The following SOX5 variants were observed in gnomAD, a reference collection of about 807,000 sequenced individuals.
The protein encoded by SOX5 is transcription factor SOX-5.
Under a neutral mutation model 92.0 loss-of-function variants are expected in SOX5, and 9 were observed. That is an observed-to-expected ratio of 0.10 (90% CI 0.06 to 0.17). The LOEUF (loss-of-function observed/expected upper bound fraction) is 0.17, where lower values mean the gene tolerates loss of function less well. Ranked by LOEUF, SOX5 falls within the 10% of genes least tolerant of loss-of-function variation. SOX5 has a pLI of 1.00. For synonymous variants in SOX5, 344 were observed against 336.3 expected (o/e 1.02, Z -0.25); for missense variants, 642 against 944.5 (o/e 0.68, Z 4.20).
At chr12:23,950,874 C>T (rs1460939713), upstream of SOX5, 2 of 1,535,178 alleles carry the variant, frequency 1.3e-6, no homozygotes, top group African/African-American at 1.4e-5. Context: ...CTTACACAGA[C>T]ATGCATGCAG....
At chr12:23,821,186 A>G (rs2096107516) in intron 3 of SOX5, among the ~76,000 whole-genome samples, 1 of 152,080 alleles carries the variant, frequency 6.6e-6, no homozygotes, top group African/African-American at 2.4e-5. Flanking sequence ...CTTTGTAGCA[A>G]TTGTGAATGG....
rs564868054 is a variant in SOX5 at position 23,665,611 on chromosome 12, C to T, written c.811-47G>A. ...ATCAAAGAGAAGAAGTTTCGATGCTCCATGCTTCTTCCCACCCTCCTTATT... is the reference window on the plus strand; with the variant it reads ...ATCAAAGAGAAGAAGTTTCGATGCTTCATGCTTCTTCCCACCCTCCTTATT... On this transcript the variant is annotated intron_variant, in intron 6 of 14. Coordinates refer to ENST00000451604, the MANE Select transcript of SOX5 (RefSeq NM_006940.6). 192 of 1,557,250 alleles carry T rather than the reference C, an allele frequency of 1.2e-4. No individual in the cohort carries two copies. The East Asian group carries it at 3.9e-3, about 31-fold the overall frequency.
At chr12:24,287,742 A>G (rs1946078463) in intron 2 of SOX5, among the ~76,000 whole-genome samples, 1 of 151,708 alleles carries the variant, frequency 6.6e-6, no homozygotes, top group Non-Finnish European at 1.5e-5. Context: ...AGTCATTTTT[A>G]CTTAAGCGAT....
At chr12:24,480,890 C>T (rs1945915109) in intron 1 of SOX5, among the ~76,000 whole-genome samples, 1 of 151,960 alleles carries the variant, frequency 6.6e-6, no homozygotes, top group South Asian at 2.1e-4. Context: ...TATGATCCAG[C>T]CATCCCACGG....
intron 8 of SOX5, 43 bp from the exon 9 acceptor site, chr12:23,604,576 TAATAA>T: frequency 6.3e-7 from 1 of 1,582,156 alleles, no homozygotes; most frequent in Non-Finnish European, 8.7e-7. Flanking sequence ...ATACTGTGAA[TAATAA>T]AATAAACGTA....
chr12:23,677,191 C>T (rs1287343620), intron 6 of SOX5, among the ~76,000 whole-genome samples: 1 of 152,106 alleles, frequency 6.6e-6, no homozygotes, highest in Non-Finnish European at 1.5e-5. Context: ...TTCCCCCCAC[C>T]CTTTCCATTC....
chr12:23,755,879 A>G (rs1393560339), intron 3 of SOX5, among the ~76,000 whole-genome samples, 155 bp from the exon 4 acceptor site: 2 of 151,802 alleles, frequency 1.3e-5, no homozygotes, highest in African/African-American at 2.4e-5. Flanking sequence ...GGAAAAAAAG[A>G]ATGTGTCCTG....
chr12:23,836,718 C>T (rs2096419383), intron 3 of SOX5, among the ~76,000 whole-genome samples: 1 of 151,848 alleles, frequency 6.6e-6, no homozygotes, highest in Non-Finnish European at 1.5e-5. Context: ...GAATATGGCA[C>T]CCTCATAATG....
chr12:23,711,368 C>T (rs1297197948), intron 6 of SOX5, among the ~76,000 whole-genome samples: 2 of 152,108 alleles, frequency 1.3e-5, no homozygotes, highest in Admixed American at 6.6e-5. Flanking sequence ...TTATTTTTGG[C>T]ATAATTTTTG....
intron 4 of SOX5, among the ~76,000 whole-genome samples, chr12:23,985,242 T>TTTTATTTATTTATTTATTTA (rs149488251): frequency 6.7e-6 from 1 of 149,090 alleles, no homozygotes; most frequent in African/African-American, 2.5e-5. Context: ...TTTTTTTGAA[T>TTTTATTTATTTATTTATTTA]TTTATTTATT....
intron 2 of SOX5, among the ~76,000 whole-genome samples, chr12:23,870,365 A>T (rs2096859794): frequency 6.6e-6 from 1 of 152,138 alleles, no homozygotes; most frequent in South Asian, 2.1e-4. Flanking sequence ...CAAAAGCATA[A>T]GTAAGAGTGA....
At chr12:24,029,052 A>T (rs1955197725) in intron 4 of SOX5, among the ~76,000 whole-genome samples, 1 of 152,028 alleles carries the variant, frequency 6.6e-6, no homozygotes, top group South Asian at 2.1e-4. Context: ...TTTCTGATTA[A>T]TAATAAGGAC....
chr12:24,321,443 T>C (rs750991304), intron 2 of SOX5, among the ~76,000 whole-genome samples: 1 of 152,206 alleles, frequency 6.6e-6, no homozygotes, highest in Non-Finnish European at 1.5e-5. Context: ...TTCTCAAACA[T>C]TTAACATTCT....
chr12:23,874,224 A>C (rs1302543607), intron 2 of SOX5, among the ~76,000 whole-genome samples: 1 of 152,224 alleles, frequency 6.6e-6, no homozygotes, highest in African/African-American at 2.4e-5. Context: ...TCCTCATCTA[A>C]ATTCTTAGGG....
At chr12:23,782,019 A>G (rs1047932388) in intron 3 of SOX5, among the ~76,000 whole-genome samples, 15 of 151,944 alleles carry the variant, frequency 9.9e-5, no homozygotes, top group Admixed American at 8.5e-4. Context: ...TTTTTTATTG[A>G]CTAGAAAATT....
chr12:24,257,939 C>T (rs938215765), intron 3 of SOX5, among the ~76,000 whole-genome samples: 10 of 152,106 alleles, frequency 6.6e-5, no homozygotes, highest in Non-Finnish European at 1.5e-4. Context: ...CTTTGGGAGG[C>T]CGAGGCAAGT....
intron 8 of SOX5, among the ~76,000 whole-genome samples, chr12:23,605,880 G>A (rs2075192125): frequency 6.6e-6 from 1 of 151,742 alleles, no homozygotes; most frequent in Non-Finnish European, 1.5e-5. Context: ...ATATCCCAGA[G>A]AAAACTAAAA....
chr12:24,028,250 G>T (rs1030205067), intron 4 of SOX5, among the ~76,000 whole-genome samples: 1 of 151,908 alleles, frequency 6.6e-6, no homozygotes, highest in Non-Finnish European at 1.5e-5. Flanking sequence ...GTCCCTGAGG[G>T]CAGGAGATCA....
chr12:23,958,453 T>A (rs1236796147), intron 4 of SOX5, among the ~76,000 whole-genome samples: 2 of 152,054 alleles, frequency 1.3e-5, no homozygotes, highest in Non-Finnish European at 2.9e-5. Context: ...TTAACAATTA[T>A]CAAGTTCTTA....
Sources: allele counts gnomAD v4.1 joint callset (sites outside exome capture counted in the v4.1 genomes callset), GRCh38; gene constraint gnomAD v4.1.1; transcripts MANE v1.5; gene names NCBI Gene and HGNC (gene_info 2026-07-23, HGNC 2026-07-21).